The following NAV2 variants were observed in gnomAD, a reference collection of about 807,000 sequenced individuals.
NAV2 encodes the protein helicase, APC down-regulated 1.
NAV2 carries 54 observed loss-of-function variants against 223.2 expected under a neutral mutation model. That is an observed-to-expected ratio of 0.24 (90% CI 0.19 to 0.30). The LOEUF (loss-of-function observed/expected upper bound fraction) is 0.30. Ranked by LOEUF, NAV2 falls within the 10% of genes least tolerant of loss-of-function variation. The probability of loss-of-function intolerance (pLI) is 1.00; values close to 1 mark genes in which losing one functional copy is unlikely to be tolerated. For missense variants in NAV2, 2,806 were observed against 3,147.5 expected, an observed-to-expected ratio of 0.89 and a Z score of 2.60; for synonymous variants, 1,279 against 1,239.3, an observed-to-expected ratio of 1.03 and a Z score of -0.67.
At chr11:20,008,668 G>A (rs2053295736) in intron 11 of NAV2, among the ~76,000 whole-genome samples, 1 of 151,808 alleles carries the variant, frequency 6.6e-6, no homozygotes, top group Admixed American at 6.6e-5. Flanking sequence ...ATTTAGACTT[G>A]TGTATTTCTT....
At chr11:19,714,024 TG>T in intron 1 of NAV2, 62 bp downstream of exon 1, 1 of 1,585,256 alleles carries the variant, frequency 6.3e-7, no homozygotes, top group African/African-American at 1.3e-5. Flanking sequence ...TCTTTCGGGA[TG>T]GTGTGGGAGA....
intron 1 of NAV2, among the ~76,000 whole-genome samples, chr11:19,717,034 G>T (rs759190291): frequency 1.3e-5 from 2 of 152,090 alleles, no homozygotes; most frequent in African/African-American, 2.4e-5. Flanking sequence ...ATTGTACAGG[G>T]AGAAACACAG....
chr11:19,803,520 C>T (rs1403944850), intron 1 of NAV2, among the ~76,000 whole-genome samples: 2 of 152,360 alleles, frequency 1.3e-5, no homozygotes, highest in East Asian at 3.9e-4. Flanking sequence ...TTACTTACCT[C>T]TGTAGAGTGT....
At chr11:19,840,677 T>G (rs549124541) in intron 2 of NAV2, among the ~76,000 whole-genome samples, 179 of 152,106 alleles carry the variant, frequency 1.2e-3, no homozygotes, top group Non-Finnish European at 2.0e-3. Flanking sequence ...ATCTGTCAAG[T>G]GTTTGGTTTT....
In NAV2 at chr11:19,758,593, T is replaced by A. The variant is rs7125983; in HGVS notation, c.267+44631T>A. On this transcript the variant is annotated intron_variant, in intron 1 of 37. Transcript: ENST00000349880. ...ATGGCCAAGGACAGGCCCAGGTGAC[T>A]CAGGGAAGGGTGAGCTGAGCTGGTG... Among the ~76,000 whole-genome samples the A allele has an allele frequency of 6.2e-4, 94 of 152,326 alleles. 1 individual carries two copies. Among genetic ancestry groups the A allele is most frequent in the Non-Finnish European group, 1.2e-3 (80 of 68,038 alleles).
intron 1 of NAV2, among the ~76,000 whole-genome samples, chr11:19,613,261 A>T (rs1370179499): frequency 3.3e-5 from 5 of 152,140 alleles, no homozygotes; most frequent in Non-Finnish European, 7.4e-5. Flanking sequence ...CAGCTGGCAA[A>T]TTTCCACAAC....
intron 1 of NAV2, among the ~76,000 whole-genome samples, chr11:19,822,464 A>G (rs1262085055): frequency 2.6e-5 from 4 of 152,212 alleles, no homozygotes; most frequent in Non-Finnish European, 5.9e-5. Flanking sequence ...GCTCTAAGCT[A>G]CTTAACTTGA....
rs35999844 is a variant in NAV2, at chr11:20,005,253, ATT to A, written c.2768+21020_2768+21021del. ...GAGTTTTAATCATATATATATATAT[ATT>A]TTTTTTTTTTTTTGAGATGGAGTCT... On this transcript the variant is annotated intron_variant, in intron 11 of 37. Coordinates refer to ENST00000349880, the MANE Select transcript of NAV2 (RefSeq NM_145117.5). Among the ~76,000 whole-genome samples, 689 of 134,526 alleles carry A rather than the reference ATT, an allele frequency of 5.1e-3. 2 individuals are homozygous for A. Among genetic ancestry groups the A allele is most frequent in the African/African-American group, 0.017 (609 of 35,752 alleles). The allele number at this position is 134,526 out of a possible 152,430, so 88.3% of individuals were successfully genotyped here. A position where few individuals can be genotyped will look rare whatever the true frequency, so the allele number is the denominator to read the frequency against.
intron 2 of NAV2, among the ~76,000 whole-genome samples, chr11:19,832,807 T>C (rs2060017135): frequency 3.9e-5 from 6 of 152,192 alleles, no homozygotes; most frequent in Admixed American, 3.3e-4. Context: ...TACACAGAAA[T>C]ATCATCTTGA....
At chr11:19,633,547 C>T (rs2047405088) in intron 1 of NAV2, among the ~76,000 whole-genome samples, 1 of 152,252 alleles carries the variant, frequency 6.6e-6, no homozygotes, top group Admixed American at 6.5e-5. Flanking sequence ...ACCCAACAGC[C>T]CAGTGTGTTT....
At chr11:19,612,382 C>T (rs921977789) in intron 1 of NAV2, among the ~76,000 whole-genome samples, 2 of 152,222 alleles carry the variant, frequency 1.3e-5, no homozygotes, top group Non-Finnish European at 2.9e-5. Flanking sequence ...AATCTCTCCC[C>T]AGACAGTGGG....
intron 1 of NAV2, among the ~76,000 whole-genome samples, chr11:19,660,347 C>A (rs369140435): frequency 7.9e-5 from 12 of 152,178 alleles, no homozygotes; most frequent in African/African-American, 2.7e-4. Context: ...TTTCTTTTCT[C>A]GTGTGACTCA....
chr11:19,682,521 G>A (rs1355834987), intron 1 of NAV2, among the ~76,000 whole-genome samples: 1 of 152,198 alleles, frequency 6.6e-6, no homozygotes, highest in Non-Finnish European at 1.5e-5. Context: ...GTCCATTTGT[G>A]TCGCTATAAA....
chr11:19,871,932 G>T (rs776030217), intron 4 of NAV2, among the ~76,000 whole-genome samples: 4 of 152,116 alleles, frequency 2.6e-5, no homozygotes, highest in Admixed American at 6.5e-5. Flanking sequence ...TTGGTGAGGG[G>T]AGGAAAATAT....
intron 20 of NAV2, among the ~76,000 whole-genome samples, chr11:20,062,950 C>T (rs538583520): frequency 6.6e-6 from 1 of 152,206 alleles, no homozygotes; most frequent in South Asian, 2.1e-4. Flanking sequence ...ACCTCGGCCT[C>T]CCAAAGTGCT....
At chr11:19,772,617 G>A (rs1395754985) in intron 1 of NAV2, among the ~76,000 whole-genome samples, 1 of 152,176 alleles carries the variant, frequency 6.6e-6, no homozygotes, top group African/African-American at 2.4e-5. Context: ...CCTCTGACAA[G>A]CTATCTAGCT....
intron 6 of NAV2, among the ~76,000 whole-genome samples, chr11:19,906,665 T>A (rs1422917695): frequency 6.6e-6 from 1 of 152,194 alleles, no homozygotes; most frequent in Non-Finnish European, 1.5e-5. Flanking sequence ...AGCCAAAGCA[T>A]CCTTGGTTAC....
intron 1 of NAV2, among the ~76,000 whole-genome samples, chr11:19,410,565 T>C (rs1255224421): frequency 6.6e-6 from 1 of 152,198 alleles, no homozygotes; most frequent in Admixed American, 6.5e-5. Flanking sequence ...TCTGTACTCC[T>C]GGCCACTACA....
At chr11:19,587,511 C>T (rs1031658584) in intron 1 of NAV2, among the ~76,000 whole-genome samples, 1 of 152,244 alleles carries the variant, frequency 6.6e-6, no homozygotes, top group Non-Finnish European at 1.5e-5. Flanking sequence ...ATTCAGCCAC[C>T]TTGGCTCCCA....
Sources: allele counts gnomAD v4.1 joint callset (sites outside exome capture counted in the v4.1 genomes callset), GRCh38; gene constraint gnomAD v4.1.1; transcripts MANE v1.5; gene names NCBI Gene and HGNC (gene_info 2026-07-23, HGNC 2026-07-21).